GRIA4: variants seen among roughly 807,000 people sequenced by gnomAD.
GRIA4 encodes glutamate receptor 4.
In GRIA4, 34 loss-of-function variants were observed where a neutral mutation model predicts 104.0. The observed-to-expected ratio is 0.33, with a 90% CI of 0.25 to 0.44. GRIA4 has a LOEUF of 0.44. Among genes scored for constraint, GRIA4 ranks in the 20% least tolerant of loss-of-function variants. The pLI is 1.00. For synonymous variants in GRIA4, 386 were observed against 381.9 expected (o/e 1.01, Z -0.13); for missense variants, 750 against 1,096.5 (o/e 0.68, Z 4.46).
chr11:105,893,824 T>C (rs1270762525), intron 6 of GRIA4, among the ~76,000 whole-genome samples: 3 of 152,230 alleles, frequency 2.0e-5, no homozygotes, highest in Non-Finnish European at 2.9e-5. Flanking sequence ...ATCATTTGCC[T>C]GCCTGTGGGT....
chr11:105,846,282 T>C (rs1024452626), intron 4 of GRIA4, among the ~76,000 whole-genome samples: 1 of 152,152 alleles, frequency 6.6e-6, no homozygotes, highest in African/African-American at 2.4e-5. Flanking sequence ...TTATTTAAAA[T>C]TTTATTGCAT....
At chr11:105,794,500 T>C (rs1265535341) in intron 4 of GRIA4, among the ~76,000 whole-genome samples, 4 of 121,138 alleles carry the variant, frequency 3.3e-5, no homozygotes, top group African/African-American at 6.5e-5. Flanking sequence ...TATATATATA[T>C]ATATATATAT....
intron 4 of GRIA4, among the ~76,000 whole-genome samples, chr11:105,846,333 G>C (rs189660107): frequency 1.3e-5 from 2 of 152,266 alleles, no homozygotes; most frequent in Non-Finnish European, 2.9e-5. Flanking sequence ...TTTGGAAGAA[G>C]TGAGGAGGAA....
At chr11:105,712,977 T>C (rs1023310654) in intron 3 of GRIA4, among the ~76,000 whole-genome samples, 2 of 152,176 alleles carry the variant, frequency 1.3e-5, no homozygotes, top group African/African-American at 4.8e-5. Context: ...TGATGAGATA[T>C]TGAATATCAT....
chr11:105,874,353 T>C (rs1035424590), intron 5 of GRIA4, among the ~76,000 whole-genome samples: 1 of 152,232 alleles, frequency 6.6e-6, no homozygotes, highest in African/African-American at 2.4e-5. Flanking sequence ...GGTAGTGTGA[T>C]GCCTCTGACT....
At chr11:105,762,485 T>C (rs776850095) in intron 4 of GRIA4, among the ~76,000 whole-genome samples, 12 of 152,234 alleles carry the variant, frequency 7.9e-5, no homozygotes, top group Non-Finnish European at 1.0e-4. Context: ...CTATCCTTTA[T>C]AGTGCTTATC....
chr11:105,819,596 C>G (rs1264931980), intron 4 of GRIA4, among the ~76,000 whole-genome samples: 1 of 152,050 alleles, frequency 6.6e-6, no homozygotes, highest in African/African-American at 2.4e-5. Context: ...GTGGGAGTTT[C>G]TCTACTCTCT....
intron 3 of GRIA4, among the ~76,000 whole-genome samples, chr11:105,733,163 T>C (rs555925493): frequency 1.9e-4 from 29 of 152,240 alleles, no homozygotes; most frequent in Non-Finnish European, 3.2e-4. Context: ...TACATTTTCA[T>C]ACATTTCTAC....
chr11:105,951,096 T>C (rs746525134), intron 14 of GRIA4, among the ~76,000 whole-genome samples: 7 of 152,134 alleles, frequency 4.6e-5, no homozygotes, highest in Non-Finnish European at 1.0e-4. Context: ...GGATTCTAAG[T>C]CTTTAAAGCA....
intron 4 of GRIA4, among the ~76,000 whole-genome samples, chr11:105,844,715 T>A (rs1425621458): frequency 6.6e-6 from 1 of 152,186 alleles, no homozygotes; most frequent in South Asian, 2.1e-4. Context: ...ATTACCATCA[T>A]TAGTGCTATC....
intron 4 of GRIA4, among the ~76,000 whole-genome samples, chr11:105,784,659 A>G (rs1053699959): frequency 1.6e-4 from 25 of 152,128 alleles, no homozygotes; most frequent in Non-Finnish European, 4.4e-5. Context: ...ACTTTACCCT[A>G]ATAAACTATC....
chr11:105,950,370 T>C lies in GRIA4; in HGVS notation c.2294+16401T>C, dbSNP rs376500686. 9.2e-5 allele frequency among the ~76,000 whole-genome samples: 14 copies of C among 152,324 alleles called. 1 individual carries two copies. In the East Asian group the frequency reaches 2.7e-3, roughly 29 times the overall value. On this transcript the variant is annotated intron_variant, in intron 14 of 16. Transcript: ENST00000282499. ...AGGAAGGGAAATGAAAATTCAAAGA[T>C]GAGACTGAGTTTTTGTGGTTGGGCC...
At chr11:105,653,723 T>C (rs1242776513) in intron 3 of GRIA4, among the ~76,000 whole-genome samples, 2 of 151,860 alleles carry the variant, frequency 1.3e-5, no homozygotes, top group Non-Finnish European at 2.9e-5. Context: ...ACAGAAATGT[T>C]CCCAGGATGT....
At chr11:105,888,158 G>T (rs1213186961) in intron 6 of GRIA4, among the ~76,000 whole-genome samples, 1 of 151,612 alleles carries the variant, frequency 6.6e-6, no homozygotes, top group Admixed American at 6.6e-5. Flanking sequence ...AGTGTAGGGG[G>T]TAGATTATGT....
intron 14 of GRIA4, among the ~76,000 whole-genome samples, chr11:105,958,500 T>C (rs945581515): frequency 6.6e-6 from 1 of 152,206 alleles, no homozygotes. Context: ...TGATGTACTG[T>C]TGGATTTGGT....
intron 3 of GRIA4, among the ~76,000 whole-genome samples, chr11:105,617,318 G>A (rs1950625833): frequency 6.6e-6 from 1 of 151,250 alleles, no homozygotes; most frequent in African/African-American, 2.4e-5. Flanking sequence ...TAATCTTACA[G>A]TGAGACAGTC....
At chr11:105,913,903 C>T (rs529304105) in intron 10 of GRIA4, among the ~76,000 whole-genome samples, 1 of 152,098 alleles carries the variant, frequency 6.6e-6, no homozygotes, top group East Asian at 1.9e-4. Flanking sequence ...AACCTAAAAG[C>T]AATTACCCTT....
chr11:105,842,514 T>G (rs898805528), intron 4 of GRIA4, among the ~76,000 whole-genome samples: 1 of 152,182 alleles, frequency 6.6e-6, no homozygotes, highest in Non-Finnish European at 1.5e-5. Flanking sequence ...ATGTATATGT[T>G]GAAGGTAGAA....
chr11:105,847,320 G>A (rs1390558637), intron 4 of GRIA4, among the ~76,000 whole-genome samples: 1 of 152,138 alleles, frequency 6.6e-6, no homozygotes. Context: ...ATGCTCCCTT[G>A]CCCACTGCTC....
Sources: allele counts gnomAD v4.1 joint callset (sites outside exome capture counted in the v4.1 genomes callset), GRCh38; gene constraint gnomAD v4.1.1; transcripts MANE v1.5; gene names NCBI Gene and HGNC (gene_info 2026-07-23, HGNC 2026-07-21).